PLCE1: variants seen among roughly 807,000 people sequenced by gnomAD.
PLCE1 encodes the protein phospholipase C epsilon 1.
In PLCE1, 119 loss-of-function variants were observed where a neutral mutation model predicts 242.8. The observed-to-expected ratio is 0.49, with a 90% CI of 0.42 to 0.57. The LOEUF (loss-of-function observed/expected upper bound fraction) is 0.57. Among genes scored for constraint, PLCE1 ranks in the 20% least tolerant of loss-of-function variants. PLCE1 has a pLI of 0.00. For synonymous variants in PLCE1, 945 were observed against 1,017.4 expected, an observed-to-expected ratio of 0.93 and a Z score of 1.35; for missense variants, 2,441 against 2,788.8, an observed-to-expected ratio of 0.88 and a Z score of 2.81.
At chr10:94,221,300 G>A (rs1351800521) in intron 4 of PLCE1, among the ~76,000 whole-genome samples, 1 of 149,080 alleles carries the variant, frequency 6.7e-6, no homozygotes, top group African/African-American at 2.6e-5. Context: ...CTCTGCAAGG[G>A]TGTGTGTGTG....
chr10:94,115,345 T>C (rs2046089770), intron 2 of PLCE1, among the ~76,000 whole-genome samples: 1 of 152,232 alleles, frequency 6.6e-6, no homozygotes, highest in Non-Finnish European at 1.5e-5. Flanking sequence ...ATTGCCACAC[T>C]GTCTTCCACA....
At chr10:94,019,104 TA>T (rs933928123) in intron 1 of PLCE1, among the ~76,000 whole-genome samples, 3 of 152,198 alleles carry the variant, frequency 2.0e-5, no homozygotes, top group Non-Finnish European at 4.4e-5. Context: ...ATGAGAAACT[TA>T]TTTTTCCCCA....
chr10:94,258,824 C>G lies in PLCE1; in HGVS notation c.3579C>G (p.His1193Gln). The G allele has an allele frequency of 6.2e-7, 1 of 1,614,002 alleles. No individual in the cohort carries two copies. The highest frequency in any genetic ancestry group is 1.6e-4 in the Middle Eastern group (1 of 6,062). ...GTGCTTGGAGCAGTAGTAGCTGGCA[C>G]GGGCGGATCAAAGGCGGCATGAAGG... ...PSSAWSSSSW[H>Q]GRIKGGMKGF... The change falls in exon 12 of 33, where the codon CAC becomes CAG. Residue 1193 changes from histidine (H) to glutamine (Q), a missense_variant. His to Gln is a conservative substitution (Grantham distance 24, BLOSUM62 0). This residue lies in a region of PLCE1 where 1,004 missense variants were observed against 1,322.7 expected (regional missense o/e 0.76). Transcript: ENST00000371380.
At chr10:94,143,760 T>C (rs1220425043) in intron 3 of PLCE1, among the ~76,000 whole-genome samples, 1 of 152,236 alleles carries the variant, frequency 6.6e-6, no homozygotes, top group African/African-American at 2.4e-5. Flanking sequence ...CAGGAAAGTC[T>C]AACAAGTTTT....
chr10:94,136,955 G>A (rs2046797232), intron 3 of PLCE1, among the ~76,000 whole-genome samples: 1 of 152,190 alleles, frequency 6.6e-6, no homozygotes, highest in Admixed American at 6.5e-5. Context: ...CACTTTGGTA[G>A]GCCGAGGCGG....
intron 2 of PLCE1, among the ~76,000 whole-genome samples, chr10:94,066,865 C>CT (rs1350929270): frequency 1.3e-5 from 2 of 152,198 alleles, no homozygotes; most frequent in African/African-American, 4.8e-5. Flanking sequence ...TGTAGTCACT[C>CT]TTTATCCCAT....
intron 2 of PLCE1, among the ~76,000 whole-genome samples, chr10:94,121,946 A>G (rs962510055): frequency 1.3e-5 from 2 of 152,216 alleles, no homozygotes; most frequent in Non-Finnish European, 2.9e-5. Flanking sequence ...AGCTGGGCAG[A>G]GAGAGGAAGG....
At chr10:94,258,252 A>ACCG (rs2051173215) in intron 11 of PLCE1, among the ~76,000 whole-genome samples, 1 of 152,202 alleles carries the variant, frequency 6.6e-6, no homozygotes, top group Admixed American at 6.5e-5. Context: ...AGCATGAGCC[A>ACCG]CCGCACCCAG....
intron 22 of PLCE1, among the ~76,000 whole-genome samples, chr10:94,292,114 A>G (rs926403899): frequency 1.3e-5 from 2 of 152,226 alleles, no homozygotes; most frequent in African/African-American, 4.8e-5. Context: ...AATGTACACA[A>G]ATATTAAGAT....
At chr10:94,271,480 A>T (rs1164052311) in intron 18 of PLCE1, among the ~76,000 whole-genome samples, 3 of 151,482 alleles carry the variant, frequency 2.0e-5, no homozygotes, top group Non-Finnish European at 2.9e-5. Flanking sequence ...ACGTCTGGCT[A>T]ATTTTTTGTA....
intron 3 of PLCE1, among the ~76,000 whole-genome samples, chr10:94,149,208 G>A (rs2136095080): frequency 6.6e-6 from 1 of 152,304 alleles, no homozygotes; most frequent in South Asian, 2.1e-4. Context: ...CTCAGTCAGT[G>A]CATTTGAGTG....
Position 94,268,942 on chromosome 10 carries a change from G to T in PLCE1, c.4295G>T (p.Gly1432Val). ...VELYSQVLLQ[G>V]CRSVELDCWD... is the part of the protein sequence containing the mutation. The stretch of plus-strand genomic sequence containing the variant: ...TTGATCACACAGGTCCTTTTGCAAG[G>T]CTGTCGAAGTGTAGAATTGGACTGC... The change falls in exon 17 of 33, where the codon GGC becomes GTC. Residue 1432 changes from glycine (G) to valine (V), a missense_variant. Gly to Val is a moderately radical substitution (Grantham distance 109, BLOSUM62 -3). This residue lies in a region of PLCE1 where 1,004 missense variants were observed against 1,322.7 expected (regional missense o/e 0.76). Transcript: ENST00000371380. The T allele has an allele frequency of 6.2e-7, 1 of 1,610,088 alleles. No individual in the cohort carries two copies. The highest frequency in any genetic ancestry group is 8.5e-7 in the Non-Finnish European group (1 of 1,176,558).
intron 8 of PLCE1, among the ~76,000 whole-genome samples, 187 bp from the exon 9 acceptor site, chr10:94,252,129 G>A (rs899842624): frequency 1.3e-5 from 2 of 152,164 alleles, no homozygotes; most frequent in African/African-American, 2.4e-5. Flanking sequence ...GGACAACGGG[G>A]GACATGATGA....
At chr10:94,259,373 T>A (rs1433821787) in intron 13 of PLCE1, among the ~76,000 whole-genome samples, 1 of 151,514 alleles carries the variant, frequency 6.6e-6, no homozygotes, top group Non-Finnish European at 1.5e-5. Flanking sequence ...TACCTCCACC[T>A]CCCGGGTTCA....
At chr10:94,196,201 C>T (rs1353060346) in intron 4 of PLCE1, among the ~76,000 whole-genome samples, 1 of 152,188 alleles carries the variant, frequency 6.6e-6, no homozygotes, top group Non-Finnish European at 1.5e-5. Flanking sequence ...AACCTATATA[C>T]ACTACCTCCT....
intron 2 of PLCE1, among the ~76,000 whole-genome samples, chr10:94,071,495 G>GTTTTTTTTTTTTTTTGTTGTTTTTTT (rs2044353719): frequency 2.4e-5 from 2 of 83,316 alleles, no homozygotes; most frequent in South Asian, 5.2e-4. Flanking sequence ...TTTGGTTTTC[G>GTTTTTTTTTTTTTTTGTTGTTTTTTT]TTTTTTTTTT....
At chr10:94,050,176 G>A (rs1239377763) in intron 2 of PLCE1, among the ~76,000 whole-genome samples, 1 of 151,998 alleles carries the variant, frequency 6.6e-6, no homozygotes, top group African/African-American at 2.4e-5. Flanking sequence ...TATACTACTG[G>A]AGACTGGGTA....
At chr10:94,322,532 C>A (rs1413316485) in intron 30 of PLCE1, among the ~76,000 whole-genome samples, 1 of 152,114 alleles carries the variant, frequency 6.6e-6, no homozygotes, top group East Asian at 1.9e-4. Flanking sequence ...CGCCTGTAAT[C>A]CCAACACTTT....
At chr10:94,314,863 G>C (rs2053514424) in intron 28 of PLCE1, 1 of 152,376 alleles carries the variant, frequency 6.6e-6, no homozygotes, top group African/African-American at 2.4e-5. Flanking sequence ...AACAGCTCAG[G>C]TGTCACATTT....
Sources: gnomAD v4.1 joint callset for allele counts (sites outside exome capture counted in the v4.1 genomes callset) on GRCh38, gnomAD v4.1.1 for gene constraint, gnomAD v4.1.1 regional missense constraint, MANE v1.5 for transcripts, NCBI Gene and HGNC (gene_info 2026-07-23, HGNC 2026-07-21) for gene names.